Variants in SUGCT observed in about 807,000 individuals in gnomAD.
SUGCT encodes succinyl-CoA:glutarate-CoA transferase, also known as succinyl-CoA:glutarate CoA-transferase.
SUGCT carries 41 observed loss-of-function variants against 55.0 expected under a neutral mutation model. That is an observed-to-expected ratio of 0.74 (90% CI 0.58 to 0.97). SUGCT has a LOEUF of 0.97. Ranked by LOEUF, SUGCT falls within the 50% of genes least tolerant of loss-of-function variation. The pLI is 0.00. For synonymous variants in SUGCT, 187 were observed against 200.4 expected, an observed-to-expected ratio of 0.93 and a Z score of 0.56; for missense variants, 568 against 547.8, an observed-to-expected ratio of 1.04 and a Z score of -0.37.
At chr7:40,565,999 A>ACGCGCG (rs1269037201) in intron 12 of SUGCT, among the ~76,000 whole-genome samples, 2 of 145,142 alleles carry the variant, frequency 1.4e-5, no homozygotes, top group African/African-American at 5.0e-5. Context: ...ACACGCACAC[A>ACGCGCG]CACACACACA....
At chr7:40,498,491 A>G (rs1353146615) in intron 12 of SUGCT, among the ~76,000 whole-genome samples, 1 of 152,146 alleles carries the variant, frequency 6.6e-6, no homozygotes, top group Non-Finnish European at 1.5e-5. Context: ...CCTCCCCACC[A>G]GAACTATCAT....
intron 12 of SUGCT, among the ~76,000 whole-genome samples, chr7:40,547,617 A>G (rs1407999923): frequency 6.6e-6 from 1 of 152,210 alleles, no homozygotes. Flanking sequence ...TACAAAAAGT[A>G]AATGCATACT....
chr7:40,354,585 C>T (rs766226677), intron 9 of SUGCT, among the ~76,000 whole-genome samples: 11 of 152,184 alleles, frequency 7.2e-5, no homozygotes, highest in South Asian at 2.1e-4. Flanking sequence ...GCAGTTTGTG[C>T]GGTCACTGTC....
chr7:40,396,817 T>C (rs551791659), intron 9 of SUGCT, among the ~76,000 whole-genome samples: 1 of 152,296 alleles, frequency 6.6e-6, no homozygotes, highest in South Asian at 2.1e-4. Flanking sequence ...CCCTCTTTTG[T>C]AAAATACAAA....
At chr7:40,858,263 C>T (rs1234614451) in intron 13 of SUGCT, among the ~76,000 whole-genome samples, 3 of 151,824 alleles carry the variant, frequency 2.0e-5, no homozygotes, top group African/African-American at 7.3e-5. Context: ...ATTAGCCGGG[C>T]ATGGTGGTGC....
intron 9 of SUGCT, among the ~76,000 whole-genome samples, chr7:40,339,497 G>A (rs950206567): frequency 4.6e-5 from 7 of 152,134 alleles, no homozygotes; most frequent in African/African-American, 1.2e-4. Context: ...ATCTCAGACC[G>A]CTGTGCTAGC....
chr7:40,780,014 A>T lies in SUGCT; in HGVS notation c.1153+30517A>T, dbSNP rs546467297. On this transcript the variant is annotated intron_variant, in intron 13 of 13. Transcript: ENST00000335693. The stretch of plus-strand genomic sequence containing the variant: ...CGATCATCATACTCTCCTGTTGTTT[A>T]ATTGAAACTCTAATGGTTTTATTTA... Among the ~76,000 whole-genome samples the T allele has an allele frequency of 3.9e-5, 6 of 152,260 alleles. No individual in the cohort carries two copies. In the East Asian group the frequency reaches 7.7e-4, roughly 20 times the overall value.
At chr7:40,505,928 T>C (rs1422306384) in intron 12 of SUGCT, among the ~76,000 whole-genome samples, 1 of 152,116 alleles carries the variant, frequency 6.6e-6, no homozygotes, top group Non-Finnish European at 1.5e-5. Flanking sequence ...AATGATTGTG[T>C]AATTATTGTC....
intron 11 of SUGCT, among the ~76,000 whole-genome samples, chr7:40,479,010 G>T (rs765761197): frequency 2.0e-5 from 3 of 152,038 alleles, no homozygotes; most frequent in Non-Finnish European, 4.4e-5. Context: ...GCAAATGACA[G>T]AATTTCTTTA....
At chr7:40,183,906 G>A (rs1237519646) in intron 3 of SUGCT, among the ~76,000 whole-genome samples, 1 of 152,136 alleles carries the variant, frequency 6.6e-6, no homozygotes, top group Non-Finnish European at 1.5e-5. Flanking sequence ...GGGCATGGTG[G>A]TTCACGCCTG....
intron 9 of SUGCT, among the ~76,000 whole-genome samples, chr7:40,334,397 T>A (rs1251015394): frequency 6.6e-6 from 1 of 152,190 alleles, no homozygotes; most frequent in Non-Finnish European, 1.5e-5. Context: ...TTTCTCCACA[T>A]CCTCTCCCAG....
rs113244843 is a variant in SUGCT at position 40,287,500 on chromosome 7, C to CTT, written c.720+12857_720+12858dup. On this transcript the variant is annotated intron_variant, in intron 8 of 13. Transcript: ENST00000335693. ...TAACTGTGTTTTTTCCCTTGATACT[C>CTT]TTTTTTTTTTTTTTAAAGTCAAGGT... Among the ~76,000 whole-genome samples, 331 of 144,040 alleles carry CTT rather than the reference C, an allele frequency of 2.3e-3. 2 individuals are homozygous for CTT. Among genetic ancestry groups the CTT allele is most frequent in the African/African-American group, 7.5e-3 (295 of 39,304 alleles). 94.5% of individuals were successfully genotyped at this position (144,040 alleles called of 152,430 possible).
chr7:40,331,616 C>T (rs1375116380), intron 9 of SUGCT, among the ~76,000 whole-genome samples: 1 of 152,172 alleles, frequency 6.6e-6, no homozygotes, highest in Non-Finnish European at 1.5e-5. Flanking sequence ...TCTTTATCTC[C>T]CAGCTGATAA....
At chr7:40,915,002 G>A in the SUGCT span, among the ~76,000 whole-genome samples, 1 of 152,142 alleles carries the variant, frequency 6.6e-6, no homozygotes, top group African/African-American at 2.4e-5. Context: ...TATTCTTACC[G>A]TAATCATAAA....
At chr7:40,657,136 T>A (rs897638075) in intron 12 of SUGCT, among the ~76,000 whole-genome samples, 3 of 152,166 alleles carry the variant, frequency 2.0e-5, no homozygotes, top group Non-Finnish European at 4.4e-5. Context: ...AGGGGTTACA[T>A]GATTTTAAGG....
intron 12 of SUGCT, among the ~76,000 whole-genome samples, chr7:40,659,957 G>A (rs931130497): frequency 1.3e-5 from 2 of 152,094 alleles, no homozygotes; most frequent in South Asian, 2.1e-4. Context: ...AGTTATGGTT[G>A]GTGTGTGAGG....
chr7:40,435,949 T>C lies in SUGCT; in HGVS notation c.817-13338T>C, dbSNP rs369345383. Among the ~76,000 whole-genome samples the C allele has an allele frequency of 9.0e-3, 1,276 of 142,096 alleles. 15 individuals carry two copies. The highest frequency in any genetic ancestry group is 0.03 in the African/African-American group (1,210 of 40,086). The allele number at this position is 142,096 out of a possible 152,430, so 93.2% of individuals were successfully genotyped here. A position where few individuals can be genotyped will look rare whatever the true frequency, so the allele number is the denominator to read the frequency against. ...TGCTTTCTTTTCTTTTCTTTTCTTT[T>C]TTTTTTTTTTTTGAGATGGAGTCTT... On this transcript the variant is annotated intron_variant, in intron 9 of 13. Coordinates refer to ENST00000335693, the MANE Select transcript of SUGCT (RefSeq NM_001193313.2).
At chr7:40,988,207 T>C in the SUGCT span, among the ~76,000 whole-genome samples, 1 of 149,262 alleles carries the variant, frequency 6.7e-6, no homozygotes, top group Admixed American at 6.8e-5. Flanking sequence ...AAAATTTTGC[T>C]ACATGTTTTC....
chr7:40,463,461 C>A (rs1232991182), intron 11 of SUGCT, among the ~76,000 whole-genome samples: 1 of 152,154 alleles, frequency 6.6e-6, no homozygotes, highest in Non-Finnish European at 1.5e-5. Flanking sequence ...TACTCCCCTC[C>A]CTGTCCCTTG....
Sources: gnomAD v4.1 joint callset for allele counts (sites outside exome capture counted in the v4.1 genomes callset) on GRCh38, gnomAD v4.1.1 for gene constraint, MANE v1.5 for transcripts, NCBI Gene and HGNC (gene_info 2026-07-23, HGNC 2026-07-21) for gene names.